The following CAMTA1 variants were observed in gnomAD, a reference collection of about 807,000 sequenced individuals.
CAMTA1 encodes the protein calmodulin-binding transcription activator 1.
CAMTA1 carries 27 observed loss-of-function variants against 170.9 expected under a neutral mutation model. The ratio of observed to expected loss-of-function variants is 0.16; its 90% CI spans 0.12 to 0.22. CAMTA1 has a LOEUF of 0.22. Ranked by LOEUF, CAMTA1 falls within the 10% of genes least tolerant of loss-of-function variation. CAMTA1 has a pLI of 1.00. For missense variants in CAMTA1, 1,619 were observed against 2,217.2 expected (o/e 0.73, Z 5.42); for synonymous variants, 833 against 891.5 (o/e 0.93, Z 1.17).
chr1:7,016,245 C>A (rs546151926), intron 3 of CAMTA1, among the ~76,000 whole-genome samples: 2 of 152,172 alleles, frequency 1.3e-5, no homozygotes, highest in South Asian at 2.1e-4. Context: ...TATGTGTCAA[C>A]AGTTGGTTCC....
At chr1:7,525,757 G>A (rs1340513024) in intron 6 of CAMTA1, among the ~76,000 whole-genome samples, 2 of 152,174 alleles carry the variant, frequency 1.3e-5, no homozygotes. Flanking sequence ...AGCCAAGGGT[G>A]GGCAGCCCTG....
chr1:7,320,844 G>T (rs1311581707), intron 5 of CAMTA1, among the ~76,000 whole-genome samples: 2 of 151,968 alleles, frequency 1.3e-5, no homozygotes, highest in African/African-American at 4.8e-5. Flanking sequence ...GGGCCCATGG[G>T]CTCAGTGGAT....
At chr1:7,297,358 A>T (rs558795829) in intron 5 of CAMTA1, among the ~76,000 whole-genome samples, 48 of 152,264 alleles carry the variant, frequency 3.2e-4, no homozygotes, top group Admixed American at 1.8e-3. Context: ...TTTTGCCCTT[A>T]TTCCTAGGCT....
At chr1:6,821,963 C>CA (rs1267386674) in intron 2 of CAMTA1, among the ~76,000 whole-genome samples, 2 of 152,102 alleles carry the variant, frequency 1.3e-5, no homozygotes, top group Admixed American at 1.3e-4. Flanking sequence ...TCAAGCAAAT[C>CA]ATCTGTCATT....
chr1:7,295,852 A>G (rs1404050960), intron 5 of CAMTA1, among the ~76,000 whole-genome samples: 1 of 152,234 alleles, frequency 6.6e-6, no homozygotes. Context: ...ATCCCCAAAC[A>G]TAGCAGTTTA....
chr1:7,042,802 G>A (rs1704675360), intron 3 of CAMTA1, among the ~76,000 whole-genome samples: 1 of 152,234 alleles, frequency 6.6e-6, no homozygotes, highest in African/African-American at 2.4e-5. Flanking sequence ...GCTCTTCTCA[G>A]AACCTCTTAA....
intron 3 of CAMTA1, among the ~76,000 whole-genome samples, chr1:7,057,543 C>G (rs1707542331): frequency 6.6e-6 from 1 of 152,122 alleles, no homozygotes; most frequent in African/African-American, 2.4e-5. Flanking sequence ...TGTCAGGGGC[C>G]TCCTAGGTGC....
In CAMTA1 at chr1:7,150,491, C is replaced by T. The variant is rs574229317; in HGVS notation, c.302+59120C>T. Among the ~76,000 whole-genome samples the T allele has an allele frequency of 1.1e-3, 160 of 152,068 alleles. 2 individuals are homozygous for T. The highest frequency in any genetic ancestry group is 2.0e-3 in the Non-Finnish European group (138 of 68,004). ...CTCCATGCAGGTGTTATGGACATTC[C>T]AGGCTGGATAATTCTTCGTTGTTAG... On this transcript the variant is annotated intron_variant, in intron 4 of 22. Coordinates refer to ENST00000303635, the MANE Select transcript of CAMTA1 (RefSeq NM_015215.4).
chr1:7,249,642 G>T lies in CAMTA1; in HGVS notation c.438+16G>T, dbSNP rs199998678. On this transcript the variant is annotated intron_variant, in intron 5 of 22. Coordinates refer to ENST00000303635, the MANE Select transcript of CAMTA1 (RefSeq NM_015215.4). This position sits in a 1 kb window ranked among gnomAD's most constrained non-coding sequence, Gnocchi z 4.4. ...GGGAGTGGAGGTAAACAGCAGAAAA[G>T]GTTCCCTTGGTGCACAAATGTCATT... 1.2e-4 allele frequency: 196 copies of T among 1,612,048 alleles called. No individual in the cohort carries two copies. The highest frequency in any genetic ancestry group is 1.5e-4 in the Non-Finnish European group (180 of 1,179,158).
chr1:7,508,233 G>A (rs536820714), intron 6 of CAMTA1, among the ~76,000 whole-genome samples: 8 of 152,276 alleles, frequency 5.3e-5, no homozygotes, highest in Admixed American at 2.6e-4. Flanking sequence ...CCGGGCCTCC[G>A]GTGGACCCTC....
In CAMTA1 at chr1:7,664,685, G is replaced by A. The variant is rs780230743; in HGVS notation, c.2138G>A (p.Cys713Tyr). ...CTCAAGTCTGGGGAGCTGCAGGCTT[G>A]CAGCTCTGAGCACTACCTGCAGCCG... Reference protein sequence around the residue: ...VLLKSGELQACSSEHYLQPET... With the variant: ...VLLKSGELQAYSSEHYLQPET... The change falls in exon 9 of 23, where the codon TGC becomes TAC. Residue 713 changes from cysteine to tyrosine, a missense_variant. Coordinates refer to ENST00000303635, the MANE Select transcript of CAMTA1 (RefSeq NM_015215.4). 1 of 1,606,286 alleles carries A rather than the reference G, an allele frequency of 6.2e-7. No homozygotes were observed. The highest frequency in any genetic ancestry group is 8.5e-7 in the Non-Finnish European group (1 of 1,174,538).
chr1:7,316,992 T>C (rs762386728), intron 5 of CAMTA1, among the ~76,000 whole-genome samples: 1 of 152,212 alleles, frequency 6.6e-6, no homozygotes, highest in Non-Finnish European at 1.5e-5. Context: ...AATTCCGTCC[T>C]GTCTGCCAGG....
rs1708721689 is a variant in CAMTA1, at chr1:7,064,585, G to A, written c.235-26719G>A. On this transcript the variant is annotated intron_variant, in intron 3 of 22. Transcript: ENST00000303635. This position sits in a 1 kb window ranked among gnomAD's most constrained non-coding sequence, Gnocchi z 5.4. Reference sequence around the variant, plus strand: ...GCAGCAGTTTAAGCTGAGATGGGAAGGAAGAGAGGAAGGTGGCCAGTGGAG... The same window carrying A: ...GCAGCAGTTTAAGCTGAGATGGGAAAGAAGAGAGGAAGGTGGCCAGTGGAG... Among the ~76,000 whole-genome samples the A allele has an allele frequency of 6.6e-6, 1 of 152,184 alleles. No homozygotes were observed. The highest frequency in any genetic ancestry group is 2.4e-5 in the African/African-American group (1 of 41,424).
At position 7,677,624 on chromosome 1, in the gene CAMTA1, A is replaced by G. The variant is rs772641679; in HGVS notation, c.2805A>G (p.Leu935=). ...CCCATGACACTGGTCTTGTGACCCT[A>G]CAAGTTGCCTTCAACAACCAGATCA... ...CPAHDTGLVT[L]QVAFNNQIIS... is the part of the protein sequence containing the mutation. Residue 935 remains leucine, a synonymous_variant, in exon 11 of 23, where the codon CTA becomes CTG. Coordinates refer to ENST00000303635, the MANE Select transcript of CAMTA1 (RefSeq NM_015215.4). 1.2e-6 allele frequency: 2 copies of G among 1,614,104 alleles called. No individual in the cohort carries two copies. Among genetic ancestry groups the G allele is most frequent in the Admixed American group, 1.7e-5 (1 of 60,022 alleles).
At chr1:6,872,626 A>G (rs1298564918) in intron 3 of CAMTA1, among the ~76,000 whole-genome samples, 1 of 152,176 alleles carries the variant, frequency 6.6e-6, no homozygotes, top group Non-Finnish European at 1.5e-5. Context: ...ATGCAATTTC[A>G]TGACTGTTTT....
rs369602154 is a variant in CAMTA1, at chr1:7,044,635, C to T, written c.235-46669C>T. ...GAGACGTCCTCTCCGACCTTGGAGA[C>T]CTGGCATTTGGAGCCTGAATGAGCC... is the stretch of plus-strand genomic sequence containing the variant. On this transcript the variant is annotated intron_variant, in intron 3 of 22. Coordinates refer to ENST00000303635, the MANE Select transcript of CAMTA1 (RefSeq NM_015215.4). This position sits in a 1 kb window ranked among gnomAD's most constrained non-coding sequence, Gnocchi z 5.0. Among the ~76,000 whole-genome samples the T allele has an allele frequency of 2.0e-5, 3 of 152,194 alleles. No individual in the cohort carries two copies. Among genetic ancestry groups the T allele is most frequent in the African/African-American group, 7.2e-5 (3 of 41,460 alleles).
At chr1:7,329,844 CAA>C (rs2082910984) in intron 5 of CAMTA1, among the ~76,000 whole-genome samples, 1 of 152,188 alleles carries the variant, frequency 6.6e-6, no homozygotes, top group South Asian at 2.1e-4. Context: ...TATCCCAACA[CAA>C]AGAGGGTTTT....
chr1:7,488,503 G>A (rs777257008), intron 6 of CAMTA1, among the ~76,000 whole-genome samples: 4 of 151,732 alleles, frequency 2.6e-5, no homozygotes, highest in Non-Finnish European at 4.4e-5. Flanking sequence ...ACACACACAC[G>A]CACATACACA....
intron 5 of CAMTA1, among the ~76,000 whole-genome samples, chr1:7,314,248 C>T (rs2149640222): frequency 6.6e-6 from 1 of 152,300 alleles, no homozygotes; most frequent in East Asian, 1.9e-4. Flanking sequence ...GAAGCAGGGT[C>T]CTCCAGCAGA....
Sources: gnomAD v4.1 joint callset for allele counts (sites outside exome capture counted in the v4.1 genomes callset) on GRCh38, gnomAD v4.1.1 for gene constraint, Gnocchi (gnomAD v3.1) non-coding constraint, MANE v1.5 for transcripts, NCBI Gene and HGNC (gene_info 2026-07-23, HGNC 2026-07-21) for gene names.